The following ZCCHC24 variants were observed in gnomAD, a reference collection of about 807,000 sequenced individuals.
The protein encoded by ZCCHC24 is zinc finger CCHC domain-containing protein 24.
In ZCCHC24, 10 loss-of-function variants were observed where a neutral mutation model predicts 26.2. The observed-to-expected ratio is 0.38, with a 90% CI of 0.24 to 0.65. ZCCHC24 has a LOEUF of 0.65. Ranked by LOEUF, ZCCHC24 falls within the 30% of genes least tolerant of loss-of-function variation. The pLI is 0.54. For synonymous variants in ZCCHC24, 144 were observed against 147.1 expected (o/e 0.98, Z 0.15); for missense variants, 243 against 329.1 (o/e 0.74, Z 2.03).
chr10:79,427,952 A>G (rs1182354810), intron 2 of ZCCHC24, among the ~76,000 whole-genome samples: 1 of 152,234 alleles, frequency 6.6e-6, no homozygotes, highest in Non-Finnish European at 1.5e-5. Flanking sequence ...CAGTATCTTA[A>G]CCTTCCACCT....
At chr10:79,391,127 C>T (rs541139388) in intron 3 of ZCCHC24, among the ~76,000 whole-genome samples, 50 of 152,298 alleles carry the variant, frequency 3.3e-4, no homozygotes, top group Non-Finnish European at 6.2e-4. Context: ...TTTGGGGCCT[C>T]AGTGTCCCCA....
intron 1 of ZCCHC24, among the ~76,000 whole-genome samples, chr10:79,440,710 C>T (rs1353977065): frequency 6.6e-6 from 1 of 152,196 alleles, no homozygotes; most frequent in Non-Finnish European, 1.5e-5. Flanking sequence ...GAATAGAGCA[C>T]CACCCAAGAG....
chr10:79,429,436 G>A (rs1221559215), intron 2 of ZCCHC24, among the ~76,000 whole-genome samples: 1 of 152,078 alleles, frequency 6.6e-6, no homozygotes, highest in East Asian at 1.9e-4. Context: ...AGAAAAATTA[G>A]CCGGGCATGA....
intron 1 of ZCCHC24, among the ~76,000 whole-genome samples, chr10:79,442,612 T>C (rs1164883400): frequency 5.9e-5 from 9 of 152,200 alleles, no homozygotes; most frequent in Non-Finnish European, 8.8e-5. Context: ...CCGCAGGCAC[T>C]GCCACTGGGC....
At chr10:79,392,849 C>A (rs1341778379) in intron 3 of ZCCHC24, among the ~76,000 whole-genome samples, 4 of 152,224 alleles carry the variant, frequency 2.6e-5, no homozygotes, top group African/African-American at 2.4e-5. Context: ...AGTTCAAGTT[C>A]CCCATGTAAA....
intron 2 of ZCCHC24, among the ~76,000 whole-genome samples, chr10:79,421,011 C>T (rs10824757): frequency 0.36 from 55,360 of 152,064 alleles, 11,282 homozygotes; most frequent in Middle Eastern, 0.54. Context: ...TGCTACAAGG[C>T]GGCGCCAGGG....
chr10:79,396,486 G>C (rs1257061405), intron 2 of ZCCHC24, among the ~76,000 whole-genome samples: 1 of 152,164 alleles, frequency 6.6e-6, no homozygotes, highest in Non-Finnish European at 1.5e-5. Context: ...CATCACCTCT[G>C]CTCCCACCAA....
intron 2 of ZCCHC24, among the ~76,000 whole-genome samples, chr10:79,410,904 C>G (rs369655590): frequency 1.3e-3 from 201 of 152,204 alleles, no homozygotes; most frequent in African/African-American, 4.3e-3. Flanking sequence ...AGCAAGGACT[C>G]AAGAGCAACT....
intron 3 of ZCCHC24, among the ~76,000 whole-genome samples, chr10:79,391,690 C>A (rs1249578840): frequency 6.6e-6 from 1 of 151,924 alleles, no homozygotes; most frequent in African/African-American, 2.4e-5. Flanking sequence ...ACTTATCTGC[C>A]CTTCCAGGCT....
At chr10:79,432,036 G>A (rs1589677644) in intron 2 of ZCCHC24, among the ~76,000 whole-genome samples, 2 of 152,198 alleles carry the variant, frequency 1.3e-5, no homozygotes, top group East Asian at 3.9e-4. Flanking sequence ...AGTGCCTGAA[G>A]CCTTCCCCCA....
In ZCCHC24 at chr10:79,382,432, AGGGCTGCACTT is replaced by A. The variant is rs1856333179; in HGVS notation, c.*3902_*3912del. 1 of 152,884 alleles carries A rather than the reference AGGGCTGCACTT, an allele frequency of 6.5e-6. No homozygotes were observed. Among genetic ancestry groups the A allele is most frequent in the Admixed American group, 6.5e-5 (1 of 15,294 alleles). The allele number at this position is 152,884 out of a possible 1,614,324, so 9.5% of individuals were successfully genotyped here. ...AGGCACACAACGGAATGCCATCCCAAGGGCTGCACTTCGGAGACGTCGGAGCCTTCTCCACG... is the reference window on the plus strand; with the variant it reads ...AGGCACACAACGGAATGCCATCCCAACGGAGACGTCGGAGCCTTCTCCACG... On this transcript the variant is annotated 3_prime_UTR_variant, in exon 4 of 4. Coordinates refer to ENST00000372336, the MANE Select transcript of ZCCHC24 (RefSeq NM_153367.4).
intron 2 of ZCCHC24, among the ~76,000 whole-genome samples, chr10:79,423,205 C>T (rs1031680920): frequency 1.7e-4 from 26 of 152,120 alleles, no homozygotes; most frequent in Admixed American, 1.6e-3. Context: ...CTTCTGTGGA[C>T]CCTAGGCACT....
intron 2 of ZCCHC24, among the ~76,000 whole-genome samples, chr10:79,395,551 T>G (rs145914201): frequency 0.011 from 1,629 of 152,332 alleles, 32 homozygotes; most frequent in African/African-American, 0.029. Flanking sequence ...GTATCCCAAC[T>G]TAACATTCCA....
chr10:79,441,079 A>AACACAGACACAC (rs1857286241), intron 1 of ZCCHC24, among the ~76,000 whole-genome samples: 1 of 135,580 alleles, frequency 7.4e-6, no homozygotes, highest in African/African-American at 2.8e-5. Context: ...CTGCCCCCTA[A>AACACAGACACAC]ACACACACAC....
At chr10:79,444,316 CA>C (rs1338078363) in intron 1 of ZCCHC24, 2 of 1,356,776 alleles carry the variant, frequency 1.5e-6, no homozygotes, top group East Asian at 3.0e-5. Flanking sequence ...GGAGACTCTT[CA>C]AAAAGGGCTG....
intron 1 of ZCCHC24, among the ~76,000 whole-genome samples, chr10:79,435,788 A>T (rs1857208139): frequency 6.6e-6 from 1 of 152,164 alleles, no homozygotes; most frequent in Non-Finnish European, 1.5e-5. Flanking sequence ...AGGGTGGGTG[A>T]GGCAGTGAGC....
chr10:79,443,564 G>A (rs999846524), intron 1 of ZCCHC24, among the ~76,000 whole-genome samples: 3 of 152,140 alleles, frequency 2.0e-5, no homozygotes, highest in African/African-American at 7.2e-5. Context: ...TTACTCATCC[G>A]TGGCCCCCAC....
intron 2 of ZCCHC24, among the ~76,000 whole-genome samples, chr10:79,430,712 A>ACACACACC (rs1311631405): frequency 3.0e-4 from 45 of 149,120 alleles, no homozygotes; most frequent in African/African-American, 7.0e-4. Flanking sequence ...ACACACACAC[A>ACACACACC]CCCTCTGCTA....
chr10:79,405,104 C>T (rs543703003), intron 2 of ZCCHC24, among the ~76,000 whole-genome samples: 59 of 152,350 alleles, frequency 3.9e-4, no homozygotes, highest in African/African-American at 1.2e-3. Flanking sequence ...GGCCCTCTCC[C>T]TGAACTTCCA....
Sources: allele counts gnomAD v4.1 joint callset (sites outside exome capture counted in the v4.1 genomes callset), GRCh38; gene constraint gnomAD v4.1.1; transcripts MANE v1.5; gene names NCBI Gene and HGNC (gene_info 2026-07-23, HGNC 2026-07-21).